Variants in PPFIBP1 observed in about 807,000 individuals in gnomAD.
PPFIBP1 encodes liprin-beta-1.
A neutral mutation model predicts 137.8 loss-of-function variants in PPFIBP1; 112 were observed. The ratio of observed to expected loss-of-function variants is 0.81; its 90% CI spans 0.70 to 0.95. PPFIBP1 has a LOEUF of 0.95. PPFIBP1 is among the 40% of genes least tolerant of loss of function. The pLI, the probability that PPFIBP1 is intolerant of heterozygous loss-of-function variation, is 0.00. For synonymous variants in PPFIBP1, 378 were observed against 417.3 expected (o/e 0.91, Z 1.15); for missense variants, 1,083 against 1,196.6 (o/e 0.91, Z 1.40).
intron 2 of PPFIBP1, among the ~76,000 whole-genome samples, chr12:27,580,984 C>T (rs959903560): frequency 6.6e-6 from 1 of 151,614 alleles, no homozygotes; most frequent in Non-Finnish European, 1.5e-5. Context: ...GATCCTTGCT[C>T]ACTGGGCTCA....
intron 17 of PPFIBP1, among the ~76,000 whole-genome samples, chr12:27,675,413 T>C (rs1374569493): frequency 1.3e-5 from 2 of 152,186 alleles, no homozygotes; most frequent in Non-Finnish European, 2.9e-5. Flanking sequence ...GCTGTAGATA[T>C]ATAGAGTAAA....
intron 2 of PPFIBP1, among the ~76,000 whole-genome samples, chr12:27,602,972 T>G (rs1033551896): frequency 6.6e-6 from 1 of 152,166 alleles, no homozygotes; most frequent in Non-Finnish European, 1.5e-5. Context: ...TGGAACCAGT[T>G]GCTAAAGAAA....
chr12:27,654,181 T>G (rs2059053934), intron 7 of PPFIBP1, among the ~76,000 whole-genome samples: 1 of 152,252 alleles, frequency 6.6e-6, no homozygotes, highest in African/African-American at 2.4e-5. Flanking sequence ...ATCTTAAGGA[T>G]TCATGGCTTA....
intron 12 of PPFIBP1, among the ~76,000 whole-genome samples, chr12:27,666,957 T>C (rs757888632): frequency 6.6e-6 from 1 of 152,196 alleles, no homozygotes; most frequent in Non-Finnish European, 1.5e-5. Context: ...CAGGTAGCCA[T>C]TGTGGCCCAA....
chr12:27,663,535 G>A (rs920525815), intron 11 of PPFIBP1, among the ~76,000 whole-genome samples: 3 of 152,052 alleles, frequency 2.0e-5, no homozygotes, highest in Non-Finnish European at 4.4e-5. Context: ...GTGCCATATG[G>A]AGGTCAAATT....
At chr12:27,676,036 A>G (rs1300845517) in intron 17 of PPFIBP1, among the ~76,000 whole-genome samples, 2 of 152,220 alleles carry the variant, frequency 1.3e-5, no homozygotes, top group African/African-American at 4.8e-5. Context: ...GAACTGTATT[A>G]TAGCTAAATC....
intron 1 of PPFIBP1, among the ~76,000 whole-genome samples, chr12:27,545,287 G>A (rs889307390): frequency 1.1e-4 from 16 of 152,194 alleles, no homozygotes; most frequent in African/African-American, 3.9e-4. Context: ...TAATGTAGAT[G>A]ACGGGTTGAT....
rs190455646 is a variant in PPFIBP1, at chr12:27,550,084, T to C, written c.-124+25719T>C. Among the ~76,000 whole-genome samples, 44 of 152,346 alleles carry C rather than the reference T, an allele frequency of 2.9e-4. 1 individual carries two copies. Among genetic ancestry groups the C allele is most frequent in the Admixed American group, 2.7e-3 (42 of 15,300 alleles). On this transcript the variant is annotated intron_variant, in intron 1 of 29. Transcript: ENST00000228425. Reference sequence around the variant, plus strand: ...TAATGAAGTAAGTGCTCAAAACTGTTGTTAATATATGCCAAGAGTTATAAC... The same window carrying C: ...TAATGAAGTAAGTGCTCAAAACTGTCGTTAATATATGCCAAGAGTTATAAC...
At chr12:27,527,479 G>A (rs1943902274) in intron 1 of PPFIBP1, among the ~76,000 whole-genome samples, 1 of 152,102 alleles carries the variant, frequency 6.6e-6, no homozygotes, top group South Asian at 2.1e-4. Flanking sequence ...CTGGGCTCAA[G>A]CAGTCGACCC....
chr12:27,524,567 T>C (rs1336832416), intron 1 of PPFIBP1, among the ~76,000 whole-genome samples: 1 of 151,936 alleles, frequency 6.6e-6, no homozygotes, highest in Non-Finnish European at 1.5e-5. Context: ...GGACCGAGCT[T>C]GTACGTGAAG....
intron 1 of PPFIBP1, among the ~76,000 whole-genome samples, chr12:27,566,793 C>T (rs1240839958): frequency 6.6e-6 from 1 of 152,182 alleles, no homozygotes; most frequent in Non-Finnish European, 1.5e-5. Flanking sequence ...ACACGGTCAG[C>T]AAGTACTGGA....
intron 11 of PPFIBP1, among the ~76,000 whole-genome samples, chr12:27,661,452 G>T (rs2059544298): frequency 7.5e-6 from 1 of 133,060 alleles, no homozygotes; most frequent in Non-Finnish European, 1.6e-5. Context: ...TACACTGGCT[G>T]CATTCCAAGG....
chr12:27,621,722 G>T (rs1309205307), intron 2 of PPFIBP1, among the ~76,000 whole-genome samples: 6 of 152,160 alleles, frequency 3.9e-5, no homozygotes, highest in African/African-American at 1.4e-4. Context: ...ACAAACTGTT[G>T]AGTTTATAAG....
chr12:27,534,707 G>A (rs1304185996), intron 1 of PPFIBP1, among the ~76,000 whole-genome samples: 1 of 152,160 alleles, frequency 6.6e-6, no homozygotes, highest in Admixed American at 6.5e-5. Flanking sequence ...ACTGGTTTTG[G>A]AGCCCACAGC....
intron 10 of PPFIBP1, among the ~76,000 whole-genome samples, chr12:27,659,771 C>G (rs895726346): frequency 1.3e-5 from 2 of 152,068 alleles, no homozygotes; most frequent in South Asian, 4.2e-4. Flanking sequence ...GAATGATGCA[C>G]CACTGTTTTA....
At chr12:27,539,121 T>G (rs1349531604) in intron 1 of PPFIBP1, among the ~76,000 whole-genome samples, 1 of 152,204 alleles carries the variant, frequency 6.6e-6, no homozygotes, top group East Asian at 1.9e-4. Context: ...AACAAGATAA[T>G]GACTGCAAAG....
At chr12:27,595,783 G>A (rs545017537) in intron 2 of PPFIBP1, among the ~76,000 whole-genome samples, 2 of 151,612 alleles carry the variant, frequency 1.3e-5, no homozygotes, top group Non-Finnish European at 2.9e-5. Context: ...GAACCCAGGA[G>A]GCAGAGGTTG....
chr12:27,545,663 A>T (rs1171869953), intron 1 of PPFIBP1, among the ~76,000 whole-genome samples: 1 of 152,188 alleles, frequency 6.6e-6, no homozygotes, highest in Non-Finnish European at 1.5e-5. Flanking sequence ...TCTCCATGTG[A>T]TCTCTTCAGT....
At chr12:27,594,505 C>G (rs183117324) in intron 2 of PPFIBP1, among the ~76,000 whole-genome samples, 2 of 152,156 alleles carry the variant, frequency 1.3e-5, no homozygotes, top group Admixed American at 6.5e-5. Flanking sequence ...CAGAACTACC[C>G]CATTTAGATT....
Sources: allele counts gnomAD v4.1 joint callset (sites outside exome capture counted in the v4.1 genomes callset), GRCh38; gene constraint gnomAD v4.1.1; transcripts MANE v1.5; gene names NCBI Gene and HGNC (gene_info 2026-07-23, HGNC 2026-07-21).